EPG5: variants seen among roughly 807,000 people sequenced by gnomAD.
EPG5 encodes the protein ectopic P-granules 5 autophagy tethering factor.
In EPG5, 159 loss-of-function variants were observed where a neutral mutation model predicts 302.7. That is an observed-to-expected ratio of 0.53 (90% CI 0.46 to 0.60). The LOEUF (loss-of-function observed/expected upper bound fraction) is 0.60, where lower values mean the gene tolerates loss of function less well. Ranked by LOEUF, EPG5 falls within the 20% of genes least tolerant of loss-of-function variation. EPG5 has a pLI of 0.00. For missense variants in EPG5, 2,896 were observed against 3,092.4 expected, an observed-to-expected ratio of 0.94 and a Z score of 1.51; for synonymous variants, 1,158 against 1,136.8, an observed-to-expected ratio of 1.02 and a Z score of -0.37.
the EPG5 span, chr18:45,829,092 G>A: frequency 1.8e-4 from 180 of 985,930 alleles, no homozygotes; most frequent in African/African-American, 3.1e-3. Flanking sequence ...AGCAGAGACA[G>A]GCTACATCGG....
the EPG5 span, among the ~76,000 whole-genome samples, chr18:45,831,706 T>C: frequency 6.6e-6 from 1 of 151,960 alleles, no homozygotes. Flanking sequence ...ACATGCTAAA[T>C]TGAGCTGCAA....
intron 35 of EPG5, among the ~76,000 whole-genome samples, chr18:45,871,257 G>A (rs1193356588): frequency 6.6e-6 from 1 of 152,246 alleles, no homozygotes; most frequent in Non-Finnish European, 1.5e-5. Context: ...TAGGATAGCT[G>A]TTATCGAAAA....
chr18:45,868,452 C>G (rs1031000765), intron 36 of EPG5, among the ~76,000 whole-genome samples: 38 of 151,558 alleles, frequency 2.5e-4, no homozygotes, highest in African/African-American at 9.0e-4. Flanking sequence ...ATTCTCCTGT[C>G]TCAGCCTCCT....
At chr18:45,895,184 A>C (rs138464562) in intron 27 of EPG5, among the ~76,000 whole-genome samples, 8 of 152,334 alleles carry the variant, frequency 5.3e-5, no homozygotes, top group Non-Finnish European at 1.2e-4. Flanking sequence ...TTGATGCCTA[A>C]GTTTCCAGCT....
At chr18:45,866,476 G>C (rs2048750081) in intron 38 of EPG5, among the ~76,000 whole-genome samples, 1 of 152,136 alleles carries the variant, frequency 6.6e-6, no homozygotes, top group Non-Finnish European at 1.5e-5. Context: ...GCCCTGTCAA[G>C]CCTAAGTTCA....
At chr18:45,900,952 G>C in intron 26 of EPG5, 44 bp downstream of exon 26, 1 of 1,570,096 alleles carries the variant, frequency 6.4e-7, no homozygotes, top group African/African-American at 1.4e-5. Flanking sequence ...GGCTGTCAAA[G>C]CCACCAACAT....
At chr18:45,859,486 G>A (rs1418642833) in intron 40 of EPG5, among the ~76,000 whole-genome samples, 1 of 152,134 alleles carries the variant, frequency 6.6e-6, no homozygotes, top group Admixed American at 6.5e-5. Context: ...CTCTCCCACT[G>A]ACTGCAGTGT....
chr18:45,857,671 C>A, intron 42 of EPG5, 182 bp downstream of exon 42: 13 of 543,792 alleles, frequency 2.4e-5, no homozygotes, highest in South Asian at 5.9e-5. Flanking sequence ...AATAAAAATG[C>A]TTTTTAGAAT....
intron 34 of EPG5, 141 bp from the exon 35 acceptor site, chr18:45,876,483 TA>T (rs1785241285): frequency 1.7e-6 from 1 of 603,568 alleles, no homozygotes; most frequent in Admixed American, 2.9e-5. Flanking sequence ...TAAAAGGCTG[TA>T]AATAACTGCA....
intron 19 of EPG5, 48 bp from the exon 20 acceptor site, chr18:45,915,669 T>C (rs1160691608): frequency 7.2e-7 from 1 of 1,389,528 alleles, no homozygotes; most frequent in Non-Finnish European, 1.0e-6. Context: ...AAGGAAAATC[T>C]TATCAATGAC....
chr18:45,813,359 G>C, the EPG5 span, among the ~76,000 whole-genome samples: 5 of 152,298 alleles, frequency 3.3e-5, no homozygotes, highest in South Asian at 4.1e-4. Context: ...TCAGTGTGGC[G>C]ATTTCTCAAG....
chr18:45,933,047 A>G (rs771991484), intron 11 of EPG5, among the ~76,000 whole-genome samples: 1 of 152,224 alleles, frequency 6.6e-6, no homozygotes, highest in Non-Finnish European at 1.5e-5. Context: ...GGACTCAGGT[A>G]TACAAAGTAG....
At chr18:45,838,145 G>A in the EPG5 span, among the ~76,000 whole-genome samples, 2 of 152,324 alleles carry the variant, frequency 1.3e-5, no homozygotes, top group East Asian at 3.9e-4. Flanking sequence ...CGTGACTCTC[G>A]TAGAGTGACT....
Position 45,848,923 on chromosome 18 carries a change from T to TA in EPG5, c.*3543dup, listed in dbSNP as rs1257649210. On this transcript the variant is annotated 3_prime_UTR_variant, in exon 44 of 44. Transcript: ENST00000282041. ...TGGCTGGGTGAAACCCTGTCTCTAC[T>TA]AAAAAATACAAAAATTAGCCGGGCG... The TA allele has an allele frequency of 1.3e-5, 2 of 151,982 alleles. No homozygotes were observed. Among genetic ancestry groups the TA allele is most frequent in the African/African-American group, 4.8e-5 (2 of 41,366 alleles). The allele number at this position is 151,982 out of a possible 1,614,324, so 9.4% of individuals were successfully genotyped here. A position where few individuals can be genotyped will look rare whatever the true frequency, so the allele number is the denominator to read the frequency against.
At chr18:45,940,834 G>A (rs906733429) in intron 9 of EPG5, among the ~76,000 whole-genome samples, 3 of 152,222 alleles carry the variant, frequency 2.0e-5, no homozygotes, top group African/African-American at 7.2e-5. Context: ...GGTGGCACCA[G>A]GTGTTTTGGC....
At position 45,865,619 on chromosome 18, in the gene EPG5, C is replaced by T. The variant is rs776495551; in HGVS notation, c.6762G>A (p.Pro2254=). 1.4e-5 allele frequency: 22 copies of T among 1,613,522 alleles called. No individual in the cohort carries two copies. Among genetic ancestry groups the T allele is most frequent in the African/African-American group, 2.7e-5 (2 of 74,872 alleles). Residue 2254 remains proline (P), a synonymous_variant, in exon 39 of 44, where the codon CCG becomes CCA. Coordinates refer to ENST00000282041, the MANE Select transcript of EPG5 (RefSeq NM_020964.3). The stretch of plus-strand genomic sequence containing the variant: ...GACTTCCGACTGGTCACTTACCGGG[C>T]GGGTTAAAGACAATGATATCGTCTA... ...KLLDDIIVFN[P]PDMDSQTRHM...
chr18:45,906,745 C>T (rs2049760967), intron 24 of EPG5, among the ~76,000 whole-genome samples: 1 of 152,080 alleles, frequency 6.6e-6, no homozygotes, highest in Non-Finnish European at 1.5e-5. Flanking sequence ...ACCTCTACCT[C>T]CCAGGTTCAA....
Position 45,887,852 on chromosome 18 carries a change from T to C in EPG5, c.5008A>G (p.Ile1670Val), listed in dbSNP as rs1057250433. 1.9e-6 allele frequency: 3 copies of C among 1,600,936 alleles called. No homozygotes were observed. Among genetic ancestry groups the C allele is most frequent in the South Asian group, 2.2e-5 (2 of 89,940 alleles). Residue 1670 changes from isoleucine to valine, a missense_variant, in exon 29 of 44, where the codon ATT becomes GTT. By Grantham distance (29) the Ile-to-Val change is conservative (BLOSUM62 3). Transcript: ENST00000282041. ...TCCACAATAGTAAAGAAAAGGCTAA[T>C]GCCAACTTTCTGAATCCCAGGTGTA... The part of the protein sequence containing the change: ...QPTPGIQKVG[I>V]SLFFTIVDYV...
chr18:45,903,765 AAGAC>A (rs1303096411), intron 25 of EPG5, among the ~76,000 whole-genome samples: 5 of 152,188 alleles, frequency 3.3e-5, no homozygotes, highest in Admixed American at 2.6e-4. Flanking sequence ...ATAAAAGAAA[AAGAC>A]AGACTTCTGA....
Sources: gnomAD v4.1 joint callset for allele counts (sites outside exome capture counted in the v4.1 genomes callset) on GRCh38, gnomAD v4.1.1 for gene constraint, MANE v1.5 for transcripts, NCBI Gene and HGNC (gene_info 2026-07-23, HGNC 2026-07-21) for gene names.